The following ADCY7 variants were observed in gnomAD, a reference collection of about 807,000 sequenced individuals.
ADCY7 encodes adenylate cyclase type 7.
In ADCY7, 72 loss-of-function variants were observed where a neutral mutation model predicts 120.6. That is an observed-to-expected ratio of 0.60 (90% CI 0.49 to 0.73). The LOEUF (loss-of-function observed/expected upper bound fraction) is 0.73, where lower values mean the gene tolerates loss of function less well. Among genes scored for constraint, ADCY7 ranks in the 30% least tolerant of loss-of-function variants. ADCY7 has a pLI of 0.00. For missense variants in ADCY7, 1,227 were observed against 1,486.0 expected (o/e 0.83, Z 2.87); for synonymous variants, 661 against 628.0 (o/e 1.05, Z -0.78).
At chr16:50,284,249 C>A (rs1318451817) in intron 1 of ADCY7, among the ~76,000 whole-genome samples, 1 of 152,170 alleles carries the variant, frequency 6.6e-6, no homozygotes, top group African/African-American at 2.4e-5. Context: ...CGGCTTGTTC[C>A]AGGAGCTGGC....
At chr16:50,270,176 CAGATAGATAGATAGATAGAT>C (rs35858506) in intron 1 of ADCY7, among the ~76,000 whole-genome samples, 8 of 141,192 alleles carry the variant, frequency 5.7e-5, no homozygotes, top group Non-Finnish European at 9.2e-5. Flanking sequence ...GACCCTGTCT[CAGATAGATAGATAGATAGAT>C]AGATAGATAG....
intron 7 of ADCY7, among the ~76,000 whole-genome samples, chr16:50,295,631 C>T (rs938858014): frequency 2.6e-5 from 4 of 152,076 alleles, no homozygotes; most frequent in African/African-American, 9.6e-5. Context: ...GCTCAGTGTG[C>T]GTGTGAGGTG....
At chr16:50,262,001 T>G (rs1008850770), upstream of ADCY7, among the ~76,000 whole-genome samples, 3 of 152,168 alleles carry the variant, frequency 2.0e-5, no homozygotes, top group Non-Finnish European at 4.4e-5. Flanking sequence ...TGCTGGGGCT[T>G]TCCTTCCCCC....
chr16:50,283,910 C>A (rs774606607), intron 1 of ADCY7, among the ~76,000 whole-genome samples: 1 of 152,172 alleles, frequency 6.6e-6, no homozygotes, highest in Non-Finnish European at 1.5e-5. Context: ...TGAGCCCCCC[C>A]GTCATGGAGG....
rs1444656457 is a variant in ADCY7 at position 50,308,758 on chromosome 16, T to G, written c.2027T>G (p.Ile676Ser). Residue 676 changes from isoleucine to serine, a missense_variant, in exon 17 of 26, where the codon ATC (isoleucine) becomes AGC (serine). Physicochemically the swap from Ile to Ser is moderately radical, Grantham distance 142 (BLOSUM62 -2). Transcript: ENST00000673801. ...LLRLTLAVLT[I>S]GSLLTVAIIN... ...AGGCTGACCCTGGCCGTCCTGACCATCGGCAGCCTGCTCACTGTGGCCATC... is the reference window on the plus strand; with the variant it reads ...AGGCTGACCCTGGCCGTCCTGACCAGCGGCAGCCTGCTCACTGTGGCCATC... The G allele has an allele frequency of 6.2e-7, 1 of 1,612,654 alleles. No individual in the cohort carries two copies. The highest frequency in any genetic ancestry group is 2.2e-5 in the East Asian group (1 of 44,870).
intron 1 of ADCY7, among the ~76,000 whole-genome samples, chr16:50,248,044 C>T (rs1165701417): frequency 6.6e-6 from 1 of 152,158 alleles, no homozygotes; most frequent in East Asian, 1.9e-4. Flanking sequence ...GTCCCATTTG[C>T]AGATGAGAAA....
At chr16:50,274,387 G>A (rs1404990354) in intron 1 of ADCY7, among the ~76,000 whole-genome samples, 1 of 143,690 alleles carries the variant, frequency 7.0e-6, no homozygotes, top group Non-Finnish European at 1.5e-5. Flanking sequence ...GGGCTCCAGG[G>A]ACAGCCATGG....
intron 24 of ADCY7, 58 bp from the exon 25 acceptor site, chr16:50,314,956 A>C: frequency 1.2e-6 from 2 of 1,603,010 alleles, no homozygotes; most frequent in Non-Finnish European, 1.7e-6. Flanking sequence ...GCCTCCTCTA[A>C]GGGCAGAAGC....
At chr16:50,294,871 G>A (rs1464287101) in intron 7 of ADCY7, 120 bp downstream of exon 7, 1 of 678,664 alleles carries the variant, frequency 1.5e-6, no homozygotes, top group African/African-American at 1.8e-5. Context: ...CTGAATTTTA[G>A]CATCCAGCCA....
chr16:50,245,577 T>C (rs1267881630), upstream of ADCY7, among the ~76,000 whole-genome samples: 1 of 152,090 alleles, frequency 6.6e-6, no homozygotes, highest in East Asian at 1.9e-4. Context: ...CAACACCTAC[T>C]TTCTGAGGAC....
At chr16:50,298,806 G>C in intron 7 of ADCY7, 98 bp from the exon 8 acceptor site, 1 of 1,504,172 alleles carries the variant, frequency 6.6e-7, no homozygotes, top group Non-Finnish European at 8.9e-7. Flanking sequence ...CCAGCCAGGA[G>C]AGAGCCGGGT....
In ADCY7 at chr16:50,316,514, CTCT is replaced by C. The variant is rs1422547547; in HGVS notation, c.*1014_*1016del. On this transcript the variant is annotated 3_prime_UTR_variant, in exon 26 of 26. Coordinates refer to ENST00000673801, the MANE Select transcript of ADCY7 (RefSeq NM_001114.5). ...CAACTTGGACAACCTGTGAGTGCATCTCTTCTTTCCTTTAGTCTTCACAGCTAA... is the reference window on the plus strand; with the variant it reads ...CAACTTGGACAACCTGTGAGTGCATCTCTTTCCTTTAGTCTTCACAGCTAA... 1.3e-5 allele frequency: 2 copies of C among 152,334 alleles called. No homozygotes were observed. Among genetic ancestry groups the C allele is most frequent in the Non-Finnish European group, 2.9e-5 (2 of 68,038 alleles). 9.4% of individuals were successfully genotyped at this position (152,334 alleles called of 1,614,324 possible).
At chr16:50,259,187 C>G (rs1022294565) in intron 1 of ADCY7, among the ~76,000 whole-genome samples, 1 of 152,148 alleles carries the variant, frequency 6.6e-6, no homozygotes, top group South Asian at 2.1e-4. Context: ...ATTTTCTTCC[C>G]GATTTTCTTG....
rs757612325 is a variant in ADCY7 at position 50,314,395 on chromosome 16, G to A, written c.2960G>A (p.Arg987His). ...AACAGGCACTCCTTCAACTCCTTCCGCCTCCGCGTCGGTGAGCCCGGGTGA... is the reference window on the plus strand; with the variant it reads ...AACAGGCACTCCTTCAACTCCTTCCACCTCCGCGTCGGTGAGCCCGGGTGA... ...GINRHSFNSFRLRVGINHGPV... is the reference protein window; with the variant it reads ...GINRHSFNSFHLRVGINHGPV... Residue 987 changes from arginine (R) to histidine (H), a missense_variant, in exon 24 of 26, where the codon CGC (arginine) becomes CAC (histidine). Around this residue, in one of 5 missense-constraint regions of ADCY7, gnomAD observed 244 missense variants for 332.8 expected, o/e 0.73. Coordinates refer to ENST00000673801, the MANE Select transcript of ADCY7 (RefSeq NM_001114.5). 11 of 1,613,532 alleles carry A rather than the reference G, an allele frequency of 6.8e-6. No individual in the cohort carries two copies. Among genetic ancestry groups the A allele is most frequent in the African/African-American group, 2.7e-5 (2 of 74,930 alleles).
At chr16:50,308,607 C>T (rs1189864586) in intron 16 of ADCY7, 60 bp from the exon 17 acceptor site, 40 of 1,568,838 alleles carry the variant, frequency 2.5e-5, no homozygotes, top group East Asian at 2.0e-4. Flanking sequence ...AGGCTGCCAG[C>T]GACCAGCCCT....
chr16:50,297,639 A>G lies in ADCY7; in HGVS notation c.949-1265A>G, dbSNP rs1433949593. Among the ~76,000 whole-genome samples the G allele has an allele frequency of 6.6e-6, 1 of 152,124 alleles. No homozygotes were observed. The highest frequency in any genetic ancestry group is 2.4e-5 in the African/African-American group (1 of 41,418). On this transcript the variant is annotated intron_variant, in intron 7 of 25. Transcript: ENST00000673801. The surrounding 1 kb of genome is among the most constrained non-coding windows in gnomAD (Gnocchi z 4.4). ...GATGGTTCCCAGGCTGGGCAGGTGC[A>G]GGGGACCTGGAGGCAGGGCTGGTGC...
intron 1 of ADCY7, among the ~76,000 whole-genome samples, chr16:50,247,313 G>A (rs2032620359): frequency 6.6e-6 from 1 of 152,208 alleles, no homozygotes; most frequent in Non-Finnish European, 1.5e-5. Context: ...CTGGGCCTGG[G>A]GAGCAGAGGT....
Position 50,291,905 on chromosome 16 carries a change from ATGGGC to A in ADCY7, c.537+10_537+14del. ...GTCCGGGTGGGGCTGCAGGTGAGGG[ATGGGC>A]TAAGGCCTCTGGGGGAGGTTTTGTG... is the stretch of plus-strand genomic sequence containing the variant. On this transcript the variant is annotated intron_variant, in intron 4 of 25. Transcript: ENST00000673801. 1 of 1,604,264 alleles carries A rather than the reference ATGGGC, an allele frequency of 6.2e-7. No homozygotes were observed. Among genetic ancestry groups the A allele is most frequent in the Non-Finnish European group, 8.5e-7 (1 of 1,174,942 alleles).
At chr16:50,301,568 C>G in intron 10 of ADCY7, 1 of 230,488 alleles carries the variant, frequency 4.3e-6, no homozygotes, top group Non-Finnish European at 8.6e-6. Flanking sequence ...TTCCGAGAGA[C>G]ACACTTTCAA....
Sources: allele counts gnomAD v4.1 joint callset (sites outside exome capture counted in the v4.1 genomes callset), GRCh38; gene constraint gnomAD v4.1.1; regional missense constraint gnomAD v4.1.1; non-coding constraint Gnocchi (gnomAD v3.1); transcripts MANE v1.5; gene names NCBI Gene and HGNC (gene_info 2026-07-23, HGNC 2026-07-21).